Variants in TBCA observed in about 807,000 individuals in gnomAD.
TBCA encodes tubulin-specific chaperone A.
Under a neutral mutation model 15.8 loss-of-function variants are expected in TBCA, and 6 were observed. That is an observed-to-expected ratio of 0.38 (90% CI 0.21 to 0.75). TBCA has a LOEUF of 0.75. Among genes scored for constraint, TBCA ranks in the 30% least tolerant of loss-of-function variants. The pLI is 0.46. For synonymous variants in TBCA, 32 were observed against 42.3 expected, an observed-to-expected ratio of 0.76 and a Z score of 0.94; for missense variants, 90 against 131.2, an observed-to-expected ratio of 0.69 and a Z score of 1.53.
At chr5:77,733,262 C>T (rs915316389) in intron 1 of TBCA, among the ~76,000 whole-genome samples, 3 of 151,866 alleles carry the variant, frequency 2.0e-5, no homozygotes, top group Admixed American at 2.0e-4. Flanking sequence ...GCCTGGGCAA[C>T]AGAACAAGAC....
rs1344827521 is a variant in TBCA at position 77,771,744 on chromosome 5, C to T, written c.53+4461G>A. On this transcript the variant is annotated intron_variant, in intron 1 of 3. Coordinates refer to ENST00000380377, the MANE Select transcript of TBCA (RefSeq NM_004607.3). Reference sequence around the variant, plus strand: ...TTCCCCTAACATTCAACCTGCCTGTCCACATTTCTTCCTCAGACCCACTAT... The same window carrying T: ...TTCCCCTAACATTCAACCTGCCTGTTCACATTTCTTCCTCAGACCCACTAT... 2.0e-5 allele frequency among the ~76,000 whole-genome samples: 3 copies of T among 152,190 alleles called. No homozygotes were observed. In the East Asian group the frequency reaches 5.8e-4, roughly 29 times the overall value.
At chr5:77,713,334 A>G (rs1335530995) in intron 1 of TBCA, among the ~76,000 whole-genome samples, 3 of 152,154 alleles carry the variant, frequency 2.0e-5, no homozygotes, top group Non-Finnish European at 4.4e-5. Flanking sequence ...AATAATTTGG[A>G]TAATAATCAC....
intron 1 of TBCA, among the ~76,000 whole-genome samples, chr5:77,749,480 A>G (rs1235934328): frequency 6.6e-6 from 1 of 152,220 alleles, no homozygotes; most frequent in African/African-American, 2.4e-5. Flanking sequence ...GTGTCTACAC[A>G]TATTTCATAT....
At chr5:77,730,347 C>T (rs1746737000) in intron 1 of TBCA, among the ~76,000 whole-genome samples, 1 of 152,106 alleles carries the variant, frequency 6.6e-6, no homozygotes, top group South Asian at 2.1e-4. Context: ...CCAAGGAATA[C>T]CAAACATCAC....
rs1200463212 is a variant in TBCA at position 77,760,301 on chromosome 5, CTCTT to C, written c.53+15900_53+15903del. Reference sequence around the variant, plus strand: ...CCAGTTTATGTAAGGAAAAAAATCACTCTTTATGTTATACATAGGTATACATAAA... The same window carrying C: ...CCAGTTTATGTAAGGAAAAAAATCACTATGTTATACATAGGTATACATAAA... On this transcript the variant is annotated intron_variant, in intron 1 of 3. Coordinates refer to ENST00000380377, the MANE Select transcript of TBCA (RefSeq NM_004607.3). Among the ~76,000 whole-genome samples, 26 of 152,210 alleles carry C rather than the reference CTCTT, an allele frequency of 1.7e-4. 1 individual carries two copies. Among genetic ancestry groups the C allele is most frequent in the Admixed American group, 1.7e-3 (26 of 15,290 alleles).
rs553174136 is a variant in TBCA, at chr5:77,752,839, T to G, written c.53+23366A>C. Among the ~76,000 whole-genome samples, 152 of 47,932 alleles carry G rather than the reference T, an allele frequency of 3.2e-3. 48 individuals carry two copies. The highest frequency in any genetic ancestry group is 7.2e-3 in the Non-Finnish European group (144 of 20,096). 31.4% of individuals were successfully genotyped at this position (47,932 alleles called of 152,430 possible). ...TCCCAAAGTGCTGGGATTACAGGCG[T>G]GAGCCACCGCGCCCGGCCTCCGGCT... On this transcript the variant is annotated intron_variant, in intron 1 of 3. Coordinates refer to ENST00000380377, the MANE Select transcript of TBCA (RefSeq NM_004607.3).
intron 1 of TBCA, among the ~76,000 whole-genome samples, chr5:77,744,192 A>C (rs1023950386): frequency 6.6e-6 from 1 of 152,154 alleles, no homozygotes; most frequent in East Asian, 1.9e-4. Flanking sequence ...GATCCCACTC[A>C]AATGTCACCT....
At chr5:77,739,721 T>G (rs1357169891) in intron 1 of TBCA, among the ~76,000 whole-genome samples, 1 of 152,174 alleles carries the variant, frequency 6.6e-6, no homozygotes, top group Non-Finnish European at 1.5e-5. Context: ...ATCCTCATCT[T>G]ATATCTTCTT....
intron 1 of TBCA, among the ~76,000 whole-genome samples, chr5:77,755,945 G>A (rs570828453): frequency 3.3e-5 from 5 of 152,260 alleles, no homozygotes; most frequent in South Asian, 2.1e-4. Context: ...CGGAGGTTGC[G>A]GTGAGCAGTG....
chr5:77,769,687 T>G (rs1011782307), intron 1 of TBCA, among the ~76,000 whole-genome samples: 1 of 151,824 alleles, frequency 6.6e-6, no homozygotes, highest in African/African-American at 2.4e-5. Context: ...AAAAAATCAA[T>G]ACAATTTCCC....
At chr5:77,727,408 G>A (rs1746653805) in intron 1 of TBCA, among the ~76,000 whole-genome samples, 1 of 152,146 alleles carries the variant, frequency 6.6e-6, no homozygotes, top group African/African-American at 2.4e-5. Context: ...TCACATGCAT[G>A]TATATCTAGA....
intron 1 of TBCA, among the ~76,000 whole-genome samples, chr5:77,738,745 G>A (rs1746967458): frequency 6.6e-6 from 1 of 152,130 alleles, no homozygotes; most frequent in Admixed American, 6.5e-5. Flanking sequence ...ACCACGCCTG[G>A]CTAATTTTTG....
intron 2 of TBCA, among the ~76,000 whole-genome samples, chr5:77,701,415 T>C (rs1746010042): frequency 1.3e-5 from 2 of 151,918 alleles, no homozygotes; most frequent in South Asian, 2.1e-4. Context: ...AAATAATAGA[T>C]GTTGGTGTGC....
chr5:77,758,904 G>C (rs1054850809), intron 1 of TBCA, among the ~76,000 whole-genome samples: 4 of 152,144 alleles, frequency 2.6e-5, no homozygotes, highest in Non-Finnish European at 4.4e-5. Context: ...GGAAATTGCT[G>C]CTCCCTGCTG....
intron 1 of TBCA, among the ~76,000 whole-genome samples, chr5:77,737,784 C>T (rs1398937750): frequency 6.6e-6 from 1 of 151,714 alleles, no homozygotes; most frequent in Non-Finnish European, 1.5e-5. Flanking sequence ...TAAAAGTTGG[C>T]TTTTTCAGGT....
At chr5:77,744,085 TAC>T (rs771547860) in intron 1 of TBCA, among the ~76,000 whole-genome samples, 4 of 152,214 alleles carry the variant, frequency 2.6e-5, no homozygotes, top group Non-Finnish European at 5.9e-5. Context: ...AGCCATCACA[TAC>T]ATTTTATTGC....
chr5:77,724,505 A>G (rs1397824882), intron 1 of TBCA, among the ~76,000 whole-genome samples: 1 of 152,138 alleles, frequency 6.6e-6, no homozygotes, highest in Non-Finnish European at 1.5e-5. Context: ...ATGTCAGAGG[A>G]CAATACTATG....
At chr5:77,716,495 A>G (rs1266666507) in intron 1 of TBCA, among the ~76,000 whole-genome samples, 1 of 152,246 alleles carries the variant, frequency 6.6e-6, no homozygotes, top group African/African-American at 2.4e-5. Context: ...AGCTAACAAC[A>G]AACTGACCAC....
At chr5:77,692,081 C>T (rs562382359) in intron 3 of TBCA, 65 of 983,798 alleles carry the variant, frequency 6.6e-5, no homozygotes, top group Non-Finnish European at 7.2e-5. Context: ...TACTGATATA[C>T]AGGCAACTTT....
Sources: allele counts gnomAD v4.1 joint callset (sites outside exome capture counted in the v4.1 genomes callset), GRCh38; gene constraint gnomAD v4.1.1; transcripts MANE v1.5; gene names NCBI Gene and HGNC (gene_info 2026-07-23, HGNC 2026-07-21).